Variants in RNASEL observed in about 807,000 individuals in gnomAD.
RNASEL encodes ribonuclease L, also known as 2-5A-dependent ribonuclease.
In RNASEL, 36 loss-of-function variants were observed where a neutral mutation model predicts 50.9. That is an observed-to-expected ratio of 0.71 (90% CI 0.54 to 0.93). The LOEUF (loss-of-function observed/expected upper bound fraction) is 0.93, where lower values mean the gene tolerates loss of function less well. Among genes scored for constraint, RNASEL ranks in the 40% least tolerant of loss-of-function variants. The pLI is 0.00. For synonymous variants in RNASEL, 335 were observed against 335.6 expected (o/e 1.00, Z 0.02); for missense variants, 860 against 894.5 (o/e 0.96, Z 0.49).
intron 4 of RNASEL, 53 bp from the exon 5 acceptor site, chr1:182,581,410 C>A: frequency 1.2e-6 from 2 of 1,607,972 alleles, no homozygotes; most frequent in South Asian, 2.2e-5. Context: ...CCCTCCCTTT[C>A]CTTTTCCAGA....
At position 182,582,277 on chromosome 1, in the gene RNASEL, T is replaced by A; in HGVS notation, c.1567-19A>T. The A allele has an allele frequency of 6.2e-7, 1 of 1,613,926 alleles. No individual in the cohort carries two copies. On this transcript the variant is annotated intron_variant, in intron 3 of 6. Transcript: ENST00000367559. ...CAAGGTCCTGCACAAAAGCCATAAATCAAGCCAAAGATGCTTACTAATTAT... is the reference window on the plus strand; with the variant it reads ...CAAGGTCCTGCACAAAAGCCATAAAACAAGCCAAAGATGCTTACTAATTAT...
At position 182,575,565 on chromosome 1, in the gene RNASEL, T is replaced by G; in HGVS notation, c.2053A>C (p.Ile685Leu). 1 of 1,614,200 alleles carries G rather than the reference T, an allele frequency of 6.2e-7. No individual in the cohort carries two copies. The highest frequency in any genetic ancestry group is 8.5e-7 in the Non-Finnish European group (1 of 1,180,036). The change falls in exon 7 of 7, where the codon ATT (isoleucine) becomes CTT (leucine). Residue 685 changes from isoleucine (I) to leucine (L), a missense_variant. Ile to Leu is a conservative substitution (Grantham distance 5). Coordinates refer to ENST00000367559, the MANE Select transcript of RNASEL (RefSeq NM_021133.4). ...TGAAAATACAGGGAAGGGTCTCCAA[T>G]TTTTAATTTCATCCTGAAATAAAAC... ...EEKHKKMKLKIGDPSLYFQKT... is the reference protein window; with the variant it reads ...EEKHKKMKLKLGDPSLYFQKT...
Position 182,585,783 on chromosome 1 carries a change from G to A in RNASEL, c.1024C>T (p.His342Tyr), listed in dbSNP as rs2102370683. ...PAEDWKPQSS[H>Y]WGAALKDLHR... ...AGATCCTTCAGGGCTGCCCCCCAGT[G>A]TGAGCTCTGAGGCTTCCAGTCTTCA... The change falls in exon 2 of 7, where the codon CAC becomes TAC. Residue 342 changes from histidine (H) to tyrosine (Y), a missense_variant. Physicochemically the swap from His to Tyr is moderately conservative, Grantham distance 83. Coordinates refer to ENST00000367559, the MANE Select transcript of RNASEL (RefSeq NM_021133.4). The A allele has an allele frequency of 6.2e-7, 1 of 1,614,120 alleles. No homozygotes were observed. Among genetic ancestry groups the A allele is most frequent in the South Asian group, 1.1e-5 (1 of 91,086 alleles).
At position 182,575,324 on chromosome 1, in the gene RNASEL, G is replaced by A; in HGVS notation, c.*68C>T. 1.3e-6 allele frequency: 2 copies of A among 1,533,434 alleles called. No homozygotes were observed. The highest frequency in any genetic ancestry group is 1.8e-6 in the Non-Finnish European group (2 of 1,107,920). 95.0% of individuals were successfully genotyped at this position (1,533,434 alleles called of 1,614,324 possible). ...GCAACCTGGTGAGTTAAAAGGCCCAGAATGTTGTGATTTGCCAAGGACTCT... is the reference window on the plus strand; with the variant it reads ...GCAACCTGGTGAGTTAAAAGGCCCAAAATGTTGTGATTTGCCAAGGACTCT... On this transcript the variant is annotated 3_prime_UTR_variant, in exon 7 of 7. Coordinates refer to ENST00000367559, the MANE Select transcript of RNASEL (RefSeq NM_021133.4).
Position 182,585,913 on chromosome 1 carries a change from A to G in RNASEL, c.894T>C (p.Ser298=), listed in dbSNP as rs775306883. Residue 298 remains serine, a synonymous_variant, in exon 2 of 7, where the codon AGT becomes AGC. Transcript: ENST00000367559. Reference sequence around the variant, plus strand: ...TCATAACAAGATCCCCACAATCTGTACTGGCTCCACGTTTGCACAGCAACT... The same window carrying G: ...TCATAACAAGATCCCCACAATCTGTGCTGGCTCCACGTTTGCACAGCAACT... ...IAELLCKRGA[S]TDCGDLVMTA... 3 of 1,614,098 alleles carry G rather than the reference A, an allele frequency of 1.9e-6. No individual in the cohort carries two copies. The highest frequency in any genetic ancestry group is 2.5e-6 in the Non-Finnish European group (3 of 1,179,982).
At chr1:182,579,856 T>C in intron 5 of RNASEL, 1 of 584,232 alleles carries the variant, frequency 1.7e-6, no homozygotes, top group South Asian at 1.5e-5. Context: ...AGTAAATGAG[T>C]TGGTAGACTT....
intron 5 of RNASEL, chr1:182,579,388 T>A (rs775131847): frequency 6.4e-5 from 63 of 990,792 alleles, no homozygotes; most frequent in Non-Finnish European, 7.4e-5. Flanking sequence ...GAGATCAAGA[T>A]GCAACAGTCA....
intron 3 of RNASEL, among the ~76,000 whole-genome samples, chr1:182,582,643 G>A (rs146801894): frequency 2.2e-3 from 331 of 152,272 alleles, no homozygotes; most frequent in African/African-American, 7.4e-3. Context: ...GCTATGTCAC[G>A]CAGCAAATAA....
At position 182,575,247 on chromosome 1, in the gene RNASEL, A is replaced by C; in HGVS notation, c.*145T>G. The C allele has an allele frequency of 1.3e-6, 1 of 782,480 alleles. No homozygotes were observed. Among genetic ancestry groups the C allele is most frequent in the Non-Finnish European group, 2.3e-6 (1 of 443,492 alleles). 48.5% of individuals were successfully genotyped at this position (782,480 alleles called of 1,614,324 possible). On this transcript the variant is annotated 3_prime_UTR_variant, in exon 7 of 7. Transcript: ENST00000367559. ...TATTGCTTTTGTTATAGACATATGG[A>C]ATACACGATGCCAGGGACTGACATA...
chr1:182,580,723 A>T (rs1661477656), intron 5 of RNASEL, among the ~76,000 whole-genome samples: 2 of 152,218 alleles, frequency 1.3e-5, no homozygotes, highest in Non-Finnish European at 2.9e-5. Flanking sequence ...TCTTAAAGAG[A>T]GCAATTTGAA....
In RNASEL at chr1:182,575,475, G is replaced by A; in HGVS notation, c.2143C>T (p.His715Tyr). 1 of 1,614,196 alleles carries A rather than the reference G, an allele frequency of 6.2e-7. No individual in the cohort carries two copies. Among genetic ancestry groups the A allele is most frequent in the African/African-American group, 1.3e-5 (1 of 75,058 alleles). Residue 715 changes from histidine to tyrosine, a missense_variant, in exon 7 of 7, where the codon CAT (histidine) becomes TAT (tyrosine). Coordinates refer to ENST00000367559, the MANE Select transcript of RNASEL (RefSeq NM_021133.4). ...TTTGGACTGTGGGTTTGGGGGAAAT[G>A]CTTTCTATATTCTGTGTTCTGTAGT... ...TKLQNTEYRK[H>Y]FPQTHSPNKP...
At position 182,575,320 on chromosome 1, in the gene RNASEL, C is replaced by T. The variant is rs1341837380; in HGVS notation, c.*72G>A. 5.3e-6 allele frequency: 8 copies of T among 1,507,920 alleles called. No homozygotes were observed. Among genetic ancestry groups the T allele is most frequent in the African/African-American group, 1.4e-5 (1 of 72,756 alleles). 93.4% of individuals were successfully genotyped at this position (1,507,920 alleles called of 1,614,324 possible). A position where few individuals can be genotyped will look rare whatever the true frequency, so the allele number is the denominator to read the frequency against. On this transcript the variant is annotated 3_prime_UTR_variant, in exon 7 of 7. Coordinates refer to ENST00000367559, the MANE Select transcript of RNASEL (RefSeq NM_021133.4). ...ACAAGCAACCTGGTGAGTTAAAAGGCCCAGAATGTTGTGATTTGCCAAGGA... is the reference window on the plus strand; with the variant it reads ...ACAAGCAACCTGGTGAGTTAAAAGGTCCAGAATGTTGTGATTTGCCAAGGA...
At chr1:182,576,176 C>G in intron 6 of RNASEL, 80 bp downstream of exon 6, 1 of 1,457,096 alleles carries the variant, frequency 6.9e-7, no homozygotes, top group Middle Eastern at 2.0e-4. Context: ...TTTTTTCCAT[C>G]GTAGATATAA....
chr1:182,585,565 G>C lies in RNASEL; in HGVS notation c.1242C>G (p.Asn414Lys). ...TCCCATAGAATGTCACCAAGTGACT[G>C]TTCTCTCGGCTGCTTTGCAGACAAG... ...EVSCLQSSRE[N>K]SHLVTFYGSE... The change falls in exon 2 of 7, where the codon AAC (asparagine) becomes AAG (lysine). Residue 414 changes from asparagine to lysine, a missense_variant. Coordinates refer to ENST00000367559, the MANE Select transcript of RNASEL (RefSeq NM_021133.4). 1 of 1,614,190 alleles carries C rather than the reference G, an allele frequency of 6.2e-7. No homozygotes were observed. The highest frequency in any genetic ancestry group is 8.5e-7 in the Non-Finnish European group (1 of 1,180,036).
rs772162515 is a variant in RNASEL at position 182,586,712 on chromosome 1, G to C, written c.95C>G (p.Ala32Gly). The C allele has an allele frequency of 1.2e-6, 2 of 1,614,218 alleles. No individual in the cohort carries two copies. The highest frequency in any genetic ancestry group is 1.7e-5 in the Admixed American group (1 of 60,026). The change falls in exon 2 of 7, where the codon GCT becomes GGT. Residue 32 changes from alanine to glycine, a missense_variant. Ala to Gly is a moderately conservative substitution (Grantham distance 60, BLOSUM62 0). Transcript: ENST00000367559. ...AVEDNHLLIK[A>G]VQNEDVDLVQ... ...CAGGTCAACATCTTCGTTTTGAACA[G>C]CTTTAATCAGCAAGTGATTGTCTTC... is the stretch of plus-strand genomic sequence containing the variant.
Position 182,586,669 on chromosome 1 carries a change from TTCCAGCAATTGC to T in RNASEL, c.126_137del (p.Gln43_Glu46del). 1.2e-6 allele frequency: 2 copies of T among 1,614,076 alleles called. No individual in the cohort carries two copies. The highest frequency in any genetic ancestry group is 1.7e-6 in the Non-Finnish European group (2 of 1,179,872). ...CCTGGAAATTAACATTGGCTCCACC[TTCCAGCAATTGC>T]TGGACCAGGTCAACATCTTCGTTTT... is the stretch of plus-strand genomic sequence containing the variant. On this transcript the variant is annotated inframe_deletion, in exon 2 of 7. Coordinates refer to ENST00000367559, the MANE Select transcript of RNASEL (RefSeq NM_021133.4).
chr1:182,576,340 C>G lies in RNASEL; in HGVS notation c.1955G>C (p.Gly652Ala). 1 of 1,605,058 alleles carries G rather than the reference C, an allele frequency of 6.2e-7. No homozygotes were observed. The highest frequency in any genetic ancestry group is 1.1e-5 in the South Asian group (1 of 90,258). ...ACCCACAGTGTTCTGGTAGAAATTG[C>G]CTCTTTTTTCATAAAACTTATTCAT... ...KKMNKFYEKR[G>A]NFYQNTVGDL... The change falls in exon 6 of 7, where the codon GGC becomes GCC. Residue 652 changes from glycine to alanine, a missense_variant. By Grantham distance (60) the Gly-to-Ala change is moderately conservative. Transcript: ENST00000367559.
intron 6 of RNASEL, 130 bp downstream of exon 6, chr1:182,576,126 G>A: frequency 1.1e-6 from 1 of 884,824 alleles, no homozygotes; most frequent in Non-Finnish European, 1.7e-6. Flanking sequence ...TTTACACACA[G>A]AGGGAAGGAA....
intron 6 of RNASEL, 86 bp from the exon 7 acceptor site, chr1:182,575,664 C>T (rs1661365330): frequency 6.5e-7 from 1 of 1,532,602 alleles, no homozygotes; most frequent in Non-Finnish European, 8.9e-7. Flanking sequence ...GATCTCTTTG[C>T]TCGCTTGATT....
Sources: gnomAD v4.1 joint callset for allele counts (sites outside exome capture counted in the v4.1 genomes callset) on GRCh38, gnomAD v4.1.1 for gene constraint, MANE v1.5 for transcripts, NCBI Gene and HGNC (gene_info 2026-07-23, HGNC 2026-07-21) for gene names.